The following MTMR14 variants were observed in gnomAD, a reference collection of about 807,000 sequenced individuals.
The protein encoded by MTMR14 is myotubularin related protein 14, also known as phosphatidylinositol-3,5-bisphosphate 3-phosphatase MTMR14.
MTMR14 carries 48 observed loss-of-function variants against 86.3 expected under a neutral mutation model. The observed-to-expected ratio is 0.56, with a 90% CI of 0.44 to 0.71. The LOEUF (loss-of-function observed/expected upper bound fraction) is 0.71, where lower values mean the gene tolerates loss of function less well. Ranked by LOEUF, MTMR14 falls within the 30% of genes least tolerant of loss-of-function variation. The pLI is 0.00. For synonymous variants in MTMR14, 366 were observed against 326.1 expected (o/e 1.12, Z -1.32); for missense variants, 780 against 834.6 (o/e 0.93, Z 0.81).
At chr3:9,695,693 C>T (rs1234050324) in intron 17 of MTMR14, among the ~76,000 whole-genome samples, 1 of 152,210 alleles carries the variant, frequency 6.6e-6, no homozygotes, top group Non-Finnish European at 1.5e-5. Context: ...ATGCTCCCAG[C>T]CCCAGCTGTG....
chr3:9,675,190 T>A (rs1440764703), intron 7 of MTMR14, among the ~76,000 whole-genome samples: 1 of 152,174 alleles, frequency 6.6e-6, no homozygotes, highest in East Asian at 1.9e-4. Context: ...TGACAGTGTA[T>A]GTGTGTTAGG....
intron 7 of MTMR14, among the ~76,000 whole-genome samples, chr3:9,673,482 C>T (rs981765389): frequency 2.0e-5 from 3 of 152,220 alleles, no homozygotes; most frequent in Non-Finnish European, 2.9e-5. Context: ...CCAAGGACCT[C>T]TAACATCAGT....
intron 18 of MTMR14, among the ~76,000 whole-genome samples, chr3:9,699,159 C>T (rs1014679168): frequency 2.8e-5 from 4 of 143,158 alleles, no homozygotes; most frequent in South Asian, 2.2e-4. Context: ...GCAACAAGAG[C>T]GAAACTCTCT....
chr3:9,653,984 T>C, intron 2 of MTMR14: 1 of 605,688 alleles, frequency 1.7e-6, no homozygotes, highest in Admixed American at 2.5e-5. Context: ...GATTGCTGTT[T>C]CACTTCCACC....
intron 17 of MTMR14, among the ~76,000 whole-genome samples, chr3:9,696,181 T>C (rs2076276904): frequency 6.6e-6 from 1 of 152,144 alleles, no homozygotes; most frequent in Admixed American, 6.5e-5. Context: ...TCAGGACAAA[T>C]GTGTAATCAT....
intron 3 of MTMR14, among the ~76,000 whole-genome samples, chr3:9,663,614 C>T (rs568218380): frequency 1.1e-4 from 15 of 140,968 alleles, no homozygotes; most frequent in African/African-American, 3.1e-4. Flanking sequence ...CCCGGGTTCA[C>T]GCCATTCTCC....
At chr3:9,656,344 G>C (rs1338223290) in intron 2 of MTMR14, among the ~76,000 whole-genome samples, 2 of 152,114 alleles carry the variant, frequency 1.3e-5, no homozygotes, top group East Asian at 3.9e-4. Flanking sequence ...CAAGCCTAAA[G>C]AATTGGGGTT....
chr3:9,690,851 G>A (rs575400292), intron 17 of MTMR14, among the ~76,000 whole-genome samples: 6 of 152,324 alleles, frequency 3.9e-5, no homozygotes, highest in African/African-American at 1.4e-4. Context: ...AGCAGCGTGG[G>A]ACTTCAGGCC....
rs1404061627 is a variant in MTMR14 at position 9,702,264 on chromosome 3, G to A, written c.*291G>A. The A allele has an allele frequency of 2.0e-6, 1 of 494,142 alleles. No homozygotes were observed. The highest frequency in any genetic ancestry group is 3.7e-6 in the Non-Finnish European group (1 of 270,152). The allele number at this position is 494,142 out of a possible 1,614,324, so 30.6% of individuals were successfully genotyped here. A position where few individuals can be genotyped will look rare whatever the true frequency, so the allele number is the denominator to read the frequency against. ...CTGTGTGGGGTTTCCCTGGGGCCTTGTGGAAGCCATGACTTCACAAAGACC... is the reference window on the plus strand; with the variant it reads ...CTGTGTGGGGTTTCCCTGGGGCCTTATGGAAGCCATGACTTCACAAAGACC... On this transcript the variant is annotated 3_prime_UTR_variant, in exon 19 of 19. Transcript: ENST00000296003.
chr3:9,690,232 G>A, intron 17 of MTMR14, 89 bp downstream of exon 17: 1 of 1,445,900 alleles, frequency 6.9e-7, no homozygotes, highest in Non-Finnish European at 9.5e-7. Flanking sequence ...CCTGAGCTAG[G>A]GTCTCAAGAT....
intron 1 of MTMR14, among the ~76,000 whole-genome samples, chr3:9,650,890 C>T (rs2047243671): frequency 6.6e-6 from 1 of 151,658 alleles, no homozygotes; most frequent in Non-Finnish European, 1.5e-5. Flanking sequence ...CCAGTTCAAG[C>T]AATTCTCCCT....
chr3:9,681,712 C>T (rs1162641449), intron 9 of MTMR14, among the ~76,000 whole-genome samples: 1 of 152,182 alleles, frequency 6.6e-6, no homozygotes, highest in Non-Finnish European at 1.5e-5. Context: ...AGCATATCTC[C>T]TCGGTCATCA....
At chr3:9,662,208 T>C in intron 2 of MTMR14, 59 bp from the exon 3 acceptor site, 1 of 1,280,564 alleles carries the variant, frequency 7.8e-7, no homozygotes. Flanking sequence ...AATAAACACA[T>C]ATACACAAAG....
chr3:9,665,624 T>C (rs753687506), intron 3 of MTMR14, among the ~76,000 whole-genome samples: 2 of 152,126 alleles, frequency 1.3e-5, no homozygotes, highest in Non-Finnish European at 2.9e-5. Context: ...CTGAATCTAA[T>C]GTTTAAGAAA....
At chr3:9,665,681 G>T (rs1335256425) in intron 3 of MTMR14, among the ~76,000 whole-genome samples, 1 of 151,850 alleles carries the variant, frequency 6.6e-6, no homozygotes, top group Non-Finnish European at 1.5e-5. Context: ...GTTCAGCATG[G>T]TTGGTGCAAC....
chr3:9,696,471 C>A (rs2076284508), intron 17 of MTMR14, among the ~76,000 whole-genome samples: 2 of 152,196 alleles, frequency 1.3e-5, no homozygotes, highest in Admixed American at 1.3e-4. Context: ...GAGATCACGC[C>A]ACTGCACTCC....
intron 3 of MTMR14, among the ~76,000 whole-genome samples, chr3:9,664,559 A>G (rs998845156): frequency 8.5e-5 from 13 of 152,224 alleles, no homozygotes; most frequent in Non-Finnish European, 1.8e-4. Flanking sequence ...ATGGAGTACC[A>G]TTCAGCCATG....
At chr3:9,695,241 A>C (rs776729238) in intron 17 of MTMR14, among the ~76,000 whole-genome samples, 21 of 152,200 alleles carry the variant, frequency 1.4e-4, no homozygotes, top group African/African-American at 5.1e-4. Flanking sequence ...GCAGCCAGCT[A>C]ATCCATGGTG....
At chr3:9,653,338 C>A (rs1165189844) in intron 1 of MTMR14, among the ~76,000 whole-genome samples, 1 of 152,176 alleles carries the variant, frequency 6.6e-6, no homozygotes, top group Non-Finnish European at 1.5e-5. Flanking sequence ...GGGTTGTAGA[C>A]CTCTTTGAAT....
Sources: gnomAD v4.1 joint callset for allele counts (sites outside exome capture counted in the v4.1 genomes callset) on GRCh38, gnomAD v4.1.1 for gene constraint, MANE v1.5 for transcripts, NCBI Gene and HGNC (gene_info 2026-07-23, HGNC 2026-07-21) for gene names.